PRKAR2B: variants seen among roughly 807,000 people sequenced by gnomAD.
PRKAR2B encodes the protein cAMP-dependent protein kinase type II-beta regulatory subunit.
Under a neutral mutation model 49.9 loss-of-function variants are expected in PRKAR2B, and 14 were observed. The observed-to-expected ratio is 0.28, with a 90% CI of 0.19 to 0.44. The LOEUF is 0.44. PRKAR2B is among the 20% of genes least tolerant of loss of function. The pLI is 1.00. For missense variants in PRKAR2B, 393 were observed against 537.9 expected (o/e 0.73, Z 2.67); for synonymous variants, 196 against 197.7 (o/e 0.99, Z 0.07).
At chr7:107,099,715 T>C (rs1794921008) in intron 2 of PRKAR2B, among the ~76,000 whole-genome samples, 1 of 150,356 alleles carries the variant, frequency 6.7e-6, no homozygotes, top group South Asian at 2.1e-4. Flanking sequence ...CTCAGCTCAC[T>C]CCAACCTCCG....
At chr7:107,114,118 G>A (rs1029531203) in intron 2 of PRKAR2B, among the ~76,000 whole-genome samples, 1 of 152,134 alleles carries the variant, frequency 6.6e-6, no homozygotes, top group African/African-American at 2.4e-5. Context: ...GCATGTTGTA[G>A]AAAGATACTT....
At chr7:107,057,906 ACT>A (rs1491532517) in intron 1 of PRKAR2B, among the ~76,000 whole-genome samples, 1 of 152,212 alleles carries the variant, frequency 6.6e-6, no homozygotes, top group African/African-American at 2.4e-5. Flanking sequence ...TAGTAATAGT[ACT>A]TTTAAAAAGT....
At chr7:107,073,978 C>G (rs985064838) in intron 2 of PRKAR2B, among the ~76,000 whole-genome samples, 1 of 152,096 alleles carries the variant, frequency 6.6e-6, no homozygotes, top group Non-Finnish European at 1.5e-5. Context: ...AGGAGATTCA[C>G]TTGAACCCTG....
At chr7:107,143,442 G>T (rs1387655193) in intron 5 of PRKAR2B, among the ~76,000 whole-genome samples, 1 of 152,208 alleles carries the variant, frequency 6.6e-6, no homozygotes, top group Non-Finnish European at 1.5e-5. Flanking sequence ...CATTGTAGGT[G>T]GAGACTGCAA....
chr7:107,057,896 T>C (rs975025341), intron 1 of PRKAR2B, among the ~76,000 whole-genome samples: 1 of 152,162 alleles, frequency 6.6e-6, no homozygotes, highest in African/African-American at 2.4e-5. Flanking sequence ...CAAGCCAGTA[T>C]AGTAATAGTA....
chr7:107,127,447 C>T (rs1220679851), intron 3 of PRKAR2B, among the ~76,000 whole-genome samples: 1 of 151,074 alleles, frequency 6.6e-6, no homozygotes, highest in East Asian at 1.9e-4. Context: ...AAAAGGGACT[C>T]GAGAGATAGC....
intron 1 of PRKAR2B, among the ~76,000 whole-genome samples, chr7:107,069,281 A>G (rs982735821): frequency 3.3e-5 from 5 of 152,214 alleles, no homozygotes; most frequent in African/African-American, 9.6e-5. Flanking sequence ...TTAATGCACT[A>G]CACATCTGAC....
intron 2 of PRKAR2B, among the ~76,000 whole-genome samples, chr7:107,087,704 C>G (rs1794648127): frequency 6.6e-6 from 1 of 152,060 alleles, no homozygotes; most frequent in African/African-American, 2.4e-5. Context: ...TGCATGAGCT[C>G]AGGAGTTCGA....
intron 1 of PRKAR2B, among the ~76,000 whole-genome samples, chr7:107,058,055 A>G (rs1020484039): frequency 4.3e-5 from 6 of 138,294 alleles, no homozygotes; most frequent in Admixed American, 6.9e-5. Flanking sequence ...TCCGACTTGG[A>G]AAAAAAAGTA....
chr7:107,123,320 AG>A (rs951088475), intron 3 of PRKAR2B, among the ~76,000 whole-genome samples: 5 of 152,208 alleles, frequency 3.3e-5, no homozygotes, highest in Admixed American at 6.5e-5. Context: ...GTGTTTTGGC[AG>A]GTTCACTCCA....
intron 4 of PRKAR2B, among the ~76,000 whole-genome samples, chr7:107,136,606 A>T (rs576774119): frequency 6.6e-6 from 1 of 152,356 alleles, no homozygotes; most frequent in Non-Finnish European, 1.5e-5. Context: ...AACAGCAATG[A>T]GATAGTACTA....
chr7:107,059,348 T>C, intron 1 of PRKAR2B, among the ~76,000 whole-genome samples: 1 of 152,140 alleles, frequency 6.6e-6, no homozygotes, highest in East Asian at 1.9e-4. Context: ...GTGTACTCTC[T>C]CCTGTCCCAT....
chr7:107,074,779 CAG>C (rs1177506186), intron 2 of PRKAR2B, among the ~76,000 whole-genome samples: 3 of 151,990 alleles, frequency 2.0e-5, no homozygotes, highest in South Asian at 2.1e-4. Context: ...GCCTGAGCGA[CAG>C]AGGGGGAGAC....
intron 2 of PRKAR2B, among the ~76,000 whole-genome samples, chr7:107,088,724 TGAG>T (rs916618963): frequency 1.3e-5 from 2 of 152,028 alleles, no homozygotes; most frequent in African/African-American, 2.4e-5. Context: ...CTCAGCCTCT[TGAG>T]GAGTTGGGGC....
At position 107,121,945 on chromosome 7, in the gene PRKAR2B, T is replaced by A; in HGVS notation, c.344-7T>A. The A allele has an allele frequency of 6.4e-7, 1 of 1,572,334 alleles. No homozygotes were observed. The highest frequency in any genetic ancestry group is 1.1e-5 in the South Asian group (1 of 87,064). On this transcript the variant is annotated splice_polypyrimidine_tract_variant and splice_region_variant and intron_variant, in intron 2 of 10. Coordinates refer to ENST00000265717, the MANE Select transcript of PRKAR2B (RefSeq NM_002736.3). Reference sequence around the variant, plus strand: ...AATCTTTAAGATGTTCATTTTTGTTTTTATAGTATGTGCAGAAGCTTATAA... The same window carrying A: ...AATCTTTAAGATGTTCATTTTTGTTATTATAGTATGTGCAGAAGCTTATAA...
intron 6 of PRKAR2B, 79 bp downstream of exon 6, chr7:107,146,540 G>C (rs2065972598): frequency 7.6e-6 from 11 of 1,447,122 alleles, no homozygotes; most frequent in African/African-American, 1.4e-5. Context: ...GCCGCATGTA[G>C]TATTTTAATT....
At chr7:107,099,394 G>T (rs1043253576) in intron 2 of PRKAR2B, among the ~76,000 whole-genome samples, 1 of 152,108 alleles carries the variant, frequency 6.6e-6, no homozygotes, top group Non-Finnish European at 1.5e-5. Flanking sequence ...GGAGTGTCCC[G>T]ATTTTCCAGA....
At chr7:107,087,702 C>T (rs1794648008) in intron 2 of PRKAR2B, among the ~76,000 whole-genome samples, 1 of 152,090 alleles carries the variant, frequency 6.6e-6, no homozygotes, top group Non-Finnish European at 1.5e-5. Context: ...ATTGCATGAG[C>T]TCAGGAGTTC....
intron 3 of PRKAR2B, among the ~76,000 whole-genome samples, chr7:107,125,961 C>T (rs1399897850): frequency 1.3e-5 from 2 of 151,526 alleles, no homozygotes; most frequent in African/African-American, 4.9e-5. Flanking sequence ...GTGGCAGGCA[C>T]TTGTAATCCC....
Sources: allele counts gnomAD v4.1 joint callset (sites outside exome capture counted in the v4.1 genomes callset), GRCh38; gene constraint gnomAD v4.1.1; transcripts MANE v1.5; gene names NCBI Gene and HGNC (gene_info 2026-07-23, HGNC 2026-07-21).